Variants in MAF observed in about 807,000 individuals in gnomAD.
MAF encodes transcription factor Maf.
Under a neutral mutation model 22.0 loss-of-function variants are expected in MAF, and 10 were observed. The observed-to-expected ratio is 0.45, with a 90% CI of 0.28 to 0.77. The LOEUF (loss-of-function observed/expected upper bound fraction) is 0.77, where lower values mean the gene tolerates loss of function less well. Among genes scored for constraint, MAF ranks in the 30% least tolerant of loss-of-function variants. MAF has a pLI of 0.12. For missense variants in MAF, 544 were observed against 548.4 expected (o/e 0.99, Z 0.08); for synonymous variants, 337 against 255.8 (o/e 1.32, Z -3.03).
the MAF span, among the ~76,000 whole-genome samples, chr16:79,408,077 T>TTAAAA: frequency 2.7e-4 from 1 of 3,650 alleles, no homozygotes; most frequent in Non-Finnish European, 6.5e-4. Context: ...TTTTTACCTT[T>TTAAAA]CAAAAAAAAA....
At chr16:79,429,814 G>T in the MAF span, among the ~76,000 whole-genome samples, 2 of 152,202 alleles carry the variant, frequency 1.3e-5, no homozygotes, top group Non-Finnish European at 2.9e-5. Context: ...CTTGCCTGGT[G>T]CTGTGGTGTA....
At chr16:79,375,999 CT>C in the MAF span, among the ~76,000 whole-genome samples, 4 of 152,032 alleles carry the variant, frequency 2.6e-5, no homozygotes, top group Admixed American at 2.6e-4. Context: ...ACAAATCAAC[CT>C]TAGAGTTCAT....
At chr16:79,485,791 C>T in the MAF span, among the ~76,000 whole-genome samples, 12 of 152,282 alleles carry the variant, frequency 7.9e-5, no homozygotes, top group South Asian at 2.1e-4. Flanking sequence ...CACACAGACT[C>T]GGTGTCTTGC....
In MAF at chr16:79,597,912, GTTTTTTT is replaced by G. The variant is rs1026996353; in HGVS notation, c.1118+866_1118+872del. ...ATAATAATGCATGAGATGAGAATGAGTTTTTTTAATGGCAGACTAAACTCTCAGATTT... is the reference window on the plus strand; with the variant it reads ...ATAATAATGCATGAGATGAGAATGAGAATGGCAGACTAAACTCTCAGATTT... On this transcript the variant is annotated intron_variant, in intron 1 of 1. Coordinates refer to ENST00000326043, the MANE Select transcript of MAF (RefSeq NM_005360.5). The G allele has an allele frequency of 1.6e-5, 17 of 1,037,334 alleles. No individual in the cohort carries two copies. The African/African-American group carries it at 2.7e-4, about 16-fold the overall frequency. 64.3% of individuals were successfully genotyped at this position (1,037,334 alleles called of 1,614,324 possible).
At chr16:79,381,931 C>T in the MAF span, among the ~76,000 whole-genome samples, 10 of 152,200 alleles carry the variant, frequency 6.6e-5, no homozygotes, top group Non-Finnish European at 1.0e-4. Context: ...GCTTAACCCA[C>T]ATCTGGCTCA....
the MAF span, among the ~76,000 whole-genome samples, chr16:79,538,977 G>C: frequency 1.3e-5 from 2 of 151,694 alleles, no homozygotes; most frequent in Non-Finnish European, 2.9e-5. Flanking sequence ...GAAAAGAACA[G>C]ACAATTCATG....
At chr16:79,455,823 G>A in the MAF span, among the ~76,000 whole-genome samples, 2 of 152,150 alleles carry the variant, frequency 1.3e-5, no homozygotes, top group African/African-American at 4.8e-5. Context: ...GTTGAGACCA[G>A]CCTGGCCAAC....
At chr16:79,214,997 ACCATG>A in the MAF span, among the ~76,000 whole-genome samples, 2 of 152,076 alleles carry the variant, frequency 1.3e-5, no homozygotes, top group East Asian at 3.9e-4. Context: ...GGTGTGAGCT[ACCATG>A]CTTGGCTATT....
At chr16:79,210,196 C>G in the MAF span, among the ~76,000 whole-genome samples, 20 of 152,198 alleles carry the variant, frequency 1.3e-4, no homozygotes, top group Admixed American at 9.8e-4. Context: ...CAGACCAACT[C>G]CATTGTTACT....
the MAF span, among the ~76,000 whole-genome samples, chr16:79,544,799 G>A: frequency 1.3e-5 from 2 of 150,660 alleles, no homozygotes; most frequent in African/African-American, 4.9e-5. Context: ...AATGTCAGTA[G>A]CAACAGACAA....
the MAF span, among the ~76,000 whole-genome samples, chr16:79,503,801 A>G: frequency 1.3e-5 from 2 of 152,134 alleles, no homozygotes; most frequent in African/African-American, 4.8e-5. Flanking sequence ...CCTTATGGTT[A>G]CTCCGTAGTC....
chr16:79,318,324 C>G, the MAF span, among the ~76,000 whole-genome samples: 2 of 152,248 alleles, frequency 1.3e-5, no homozygotes, highest in South Asian at 4.2e-4. Flanking sequence ...ACTTGGATTG[C>G]CCAGTCATAG....
the MAF span, among the ~76,000 whole-genome samples, chr16:79,467,762 G>C: frequency 2.6e-5 from 4 of 152,124 alleles, no homozygotes; most frequent in African/African-American, 9.7e-5. Flanking sequence ...GCTCAAGTTT[G>C]TGAACCACTG....
At chr16:79,557,505 T>C in the MAF span, among the ~76,000 whole-genome samples, 7 of 152,154 alleles carry the variant, frequency 4.6e-5, no homozygotes, top group East Asian at 1.4e-3. Context: ...TGGGCATTTG[T>C]TCTAGTCTAC....
the MAF span, among the ~76,000 whole-genome samples, chr16:79,470,998 G>A: frequency 5.3e-5 from 8 of 152,176 alleles, no homozygotes; most frequent in South Asian, 4.1e-4. Flanking sequence ...TACCATCATC[G>A]TCATGTTCAT....
chr16:79,556,588 A>G, the MAF span, among the ~76,000 whole-genome samples: 1,247 of 152,366 alleles, frequency 8.2e-3, 18 homozygotes, highest in African/African-American at 0.029. Context: ...AATTGAATAT[A>G]TAACACAAAT....
At chr16:79,397,774 C>T in the MAF span, among the ~76,000 whole-genome samples, 2 of 152,154 alleles carry the variant, frequency 1.3e-5, no homozygotes, top group Non-Finnish European at 2.9e-5. Context: ...TAGAGCCCCC[C>T]TCCCCGGTGA....
chr16:79,369,269 G>A, the MAF span, among the ~76,000 whole-genome samples: 8 of 152,296 alleles, frequency 5.3e-5, no homozygotes, highest in Admixed American at 1.3e-4. Context: ...TGTGCTGGGA[G>A]CTGGGTTACA....
At chr16:79,414,411 T>C in the MAF span, among the ~76,000 whole-genome samples, 1 of 152,130 alleles carries the variant, frequency 6.6e-6, no homozygotes, top group African/African-American at 2.4e-5. Context: ...GATGCCAGGT[T>C]GTTTTAAAAA....
Sources: allele counts gnomAD v4.1 joint callset (sites outside exome capture counted in the v4.1 genomes callset), GRCh38; gene constraint gnomAD v4.1.1; transcripts MANE v1.5; gene names NCBI Gene and HGNC (gene_info 2026-07-23, HGNC 2026-07-21).